TLK2: variants seen among roughly 807,000 people sequenced by gnomAD.
TLK2 encodes the protein serine/threonine-protein kinase tousled-like 2.
Under a neutral mutation model 117.3 loss-of-function variants are expected in TLK2, and 6 were observed. That is an observed-to-expected ratio of 0.05 (90% CI 0.03 to 0.10). The LOEUF (loss-of-function observed/expected upper bound fraction) is 0.10, where lower values mean the gene tolerates loss of function less well. TLK2 is among the 10% of genes least tolerant of loss of function. The probability of loss-of-function intolerance (pLI) is 1.00; values close to 1 mark genes in which losing one functional copy is unlikely to be tolerated. For synonymous variants in TLK2, 257 were observed against 316.7 expected, an observed-to-expected ratio of 0.81 and a Z score of 2.00; for missense variants, 299 against 901.2, an observed-to-expected ratio of 0.33 and a Z score of 8.56.
chr17:62,584,404 C>G (rs572257492), intron 15 of TLK2, among the ~76,000 whole-genome samples: 1 of 152,008 alleles, frequency 6.6e-6, no homozygotes, highest in African/African-American at 2.4e-5. Context: ...TGTGAGCCAT[C>G]GCGCCCGGCT....
intron 21 of TLK2, among the ~76,000 whole-genome samples, chr17:62,610,430 A>G (rs1292682258): frequency 6.6e-6 from 1 of 152,244 alleles, no homozygotes; most frequent in Non-Finnish European, 1.5e-5. Context: ...TTTATATTCC[A>G]CTTATGAGAA....
chr17:62,572,361 A>G (rs182950780), intron 11 of TLK2, among the ~76,000 whole-genome samples: 1 of 152,170 alleles, frequency 6.6e-6, no homozygotes, highest in Admixed American at 6.5e-5. Context: ...ATGTTTTTAT[A>G]TACCAAGTCT....
intron 2 of TLK2, among the ~76,000 whole-genome samples, chr17:62,512,213 CTTTTTTTTTTTTTTT>C (rs35913164): frequency 4.4e-4 from 18 of 40,648 alleles, no homozygotes; most frequent in African/African-American, 1.7e-3. Context: ...ATCACCCCTC[CTTTTTTTTTTTTTTT>C]TTTTTTTTTT....
chr17:62,552,099 G>C, intron 7 of TLK2: 1 of 689,202 alleles, frequency 1.5e-6, no homozygotes, highest in Non-Finnish European at 2.4e-6. Context: ...ACAGGAACTT[G>C]GTATAAACCA....
exon 1 of TLK2, chr17:62,470,998 C>G (rs1428503825): frequency 6.6e-6 from 1 of 152,364 alleles, no homozygotes; most frequent in African/African-American, 2.4e-5. Flanking sequence ...TCATGGCCAC[C>G]AGGCATCTGC....
intron 2 of TLK2, among the ~76,000 whole-genome samples, chr17:62,511,302 A>G (rs1251616758): frequency 6.6e-6 from 1 of 152,212 alleles, no homozygotes; most frequent in East Asian, 1.9e-4. Flanking sequence ...AATTCTTGAC[A>G]ACTACAGATC....
At position 62,536,170 on chromosome 17, in the gene TLK2, C is replaced by T. The variant is rs1567870541; in HGVS notation, c.364C>T (p.Arg122Ter). Residue 122 changes from arginine (R) to a stop codon, truncating the protein, a stop_gained and splice_region_variant, in exon 7 of 22, where the codon CGA (arginine) becomes TGA (stop). Coordinates refer to ENST00000346027, the MANE Select transcript of TLK2 (RefSeq NM_006852.6). LOFTEE classifies it high-confidence loss of function. ...TGTGTGTTTCTTTACTGTTTTCCAG[C>T]GACGAGTAGAACAGCCCCTCTATGG... ...PQHSLSNPLP[R>*]RVEQPLYGLD... 6.2e-7 allele frequency: 1 copy of T among 1,609,368 alleles called. No homozygotes were observed.
chr17:62,558,141 A>T (rs1257224413), intron 9 of TLK2, among the ~76,000 whole-genome samples: 2 of 151,468 alleles, frequency 1.3e-5, no homozygotes, highest in Non-Finnish European at 2.9e-5. Context: ...ATTGGGAGCT[A>T]CTAGCCAGCT....
intron 7 of TLK2, among the ~76,000 whole-genome samples, chr17:62,547,632 G>C (rs985418190): frequency 6.6e-6 from 1 of 152,154 alleles, no homozygotes; most frequent in African/African-American, 2.4e-5. Flanking sequence ...ACTTATCAAT[G>C]AGCTATTTAT....
intron 10 of TLK2, among the ~76,000 whole-genome samples, chr17:62,562,601 C>T (rs1278314586): frequency 6.6e-6 from 1 of 151,922 alleles, no homozygotes; most frequent in Non-Finnish European, 1.5e-5. Context: ...GTAAAACCAG[C>T]GTGAGATAGT....
At position 62,473,099 on chromosome 17, in the gene TLK2, G is replaced by C. The variant is rs3763493; in HGVS notation, c.-205+2021G>C. 7.4e-4 allele frequency among the ~76,000 whole-genome samples: 113 copies of C among 152,258 alleles called. 2 individuals carry two copies. The East Asian group carries it at 0.018, about 24-fold the overall frequency. ...GCAGGTCATGTCTCCTGGTGTGTTT[G>C]CGTACAGGCTGTGGGGCTGGGGGGA... On this transcript the variant is annotated intron_variant, in intron 1 of 4. Coordinates refer to the TLK2 transcript ENST00000579450.
chr17:62,514,165 A>T (rs2145337333), intron 2 of TLK2, among the ~76,000 whole-genome samples: 1 of 150,098 alleles, frequency 6.7e-6, no homozygotes, highest in South Asian at 2.1e-4. Flanking sequence ...TTTTTTTGAG[A>T]TGGAGTCTCG....
chr17:62,590,882 C>G (rs1156638343), intron 16 of TLK2, among the ~76,000 whole-genome samples: 1 of 152,202 alleles, frequency 6.6e-6, no homozygotes, highest in Non-Finnish European at 1.5e-5. Flanking sequence ...TGCCCTTAAG[C>G]CTTTAAATTC....
intron 3 of TLK2, among the ~76,000 whole-genome samples, chr17:62,521,619 C>T (rs2076055577): frequency 6.6e-6 from 1 of 152,122 alleles, no homozygotes; most frequent in Non-Finnish European, 1.5e-5. Context: ...GTCTGGAACC[C>T]AAGCCATCCT....
At chr17:62,523,785 G>A (rs1184308914) in intron 5 of TLK2, among the ~76,000 whole-genome samples, 3 of 152,108 alleles carry the variant, frequency 2.0e-5, no homozygotes, top group Non-Finnish European at 4.4e-5. Flanking sequence ...ACGAGGTTTT[G>A]TGTCTTACAA....
rs1021610843 is a variant in TLK2 at position 62,593,698 on chromosome 17, A to G, written c.1461-2887A>G. Among the ~76,000 whole-genome samples the G allele has an allele frequency of 2.4e-4, 37 of 151,178 alleles. 1 individual carries two copies. Among genetic ancestry groups the G allele is most frequent in the Admixed American group, 6.6e-4 (10 of 15,192 alleles). On this transcript the variant is annotated intron_variant, in intron 16 of 21. Transcript: ENST00000346027. ...TGAAGCTTTCACCCCCATGATAACA[A>G]TGCCTTTTCCTGGGATACCCTCCGA...
chr17:62,478,361 G>T (rs1300901122), upstream of TLK2, among the ~76,000 whole-genome samples: 1 of 151,106 alleles, frequency 6.6e-6, no homozygotes, highest in Non-Finnish European at 1.5e-5. Flanking sequence ...CGGCGAGGCG[G>T]ATCCGGGAAC....
At chr17:62,498,640 C>T (rs2073928161) in intron 2 of TLK2, among the ~76,000 whole-genome samples, 2 of 152,284 alleles carry the variant, frequency 1.3e-5, no homozygotes, top group South Asian at 2.1e-4. Flanking sequence ...ATCCACCTGC[C>T]TTGGCCTCCC....
At chr17:62,609,326 C>T (rs1045890989) in intron 21 of TLK2, among the ~76,000 whole-genome samples, 4 of 152,128 alleles carry the variant, frequency 2.6e-5, no homozygotes, top group African/African-American at 9.7e-5. Flanking sequence ...TCAAGCCATC[C>T]GCCTGCCTCA....
Sources: gnomAD v4.1 joint callset for allele counts (sites outside exome capture counted in the v4.1 genomes callset) on GRCh38, gnomAD v4.1.1 for gene constraint, MANE v1.5 for transcripts, NCBI Gene and HGNC (gene_info 2026-07-23, HGNC 2026-07-21) for gene names.